SLC28A2: variants seen among roughly 807,000 people sequenced by gnomAD.
SLC28A2 encodes solute carrier family 28 member 2.
Under a neutral mutation model 72.9 loss-of-function variants are expected in SLC28A2, and 69 were observed. That is an observed-to-expected ratio of 0.95 (90% CI 0.78 to 1.16). The LOEUF is 1.16. Ranked by LOEUF, SLC28A2 falls within the 50% of genes most tolerant of loss-of-function variation. The probability of loss-of-function intolerance (pLI) is 0.00; values close to 1 mark genes in which losing one functional copy is unlikely to be tolerated. For missense variants in SLC28A2, 745 were observed against 791.1 expected (o/e 0.94, Z 0.70); for synonymous variants, 296 against 294.1 (o/e 1.01, Z -0.07).
At chr15:45,272,630 C>G in intron 16 of SLC28A2, 43 bp from the exon 17 acceptor site, 1 of 1,108,904 alleles carries the variant, frequency 9.0e-7, no homozygotes, top group Non-Finnish European at 1.4e-6. Flanking sequence ...TTGAGAAGCA[C>G]GTGTCAGATC....
At position 45,272,356 on chromosome 15, in the gene SLC28A2, A is replaced by G; in HGVS notation, c.1710A>G (p.Thr570=). 6.2e-7 allele frequency: 1 copy of G among 1,614,022 alleles called. No individual in the cohort carries two copies. The highest frequency in any genetic ancestry group is 1.3e-5 in the African/African-American group (1 of 75,024). Residue 570 remains threonine (T), a synonymous_variant, in exon 16 of 18, where the codon ACA becomes ACG. Coordinates refer to ENST00000347644, the MANE Select transcript of SLC28A2 (RefSeq NM_004212.4). ...LSKVVVRALF[T]GACVSLISAC... ...AGGTTGTGGTCAGGGCCCTCTTCAC[A>G]GGGGCCTGTGTATCCCTTATCAGTG...
chr15:45,276,279 A>C lies in SLC28A2; in HGVS notation c.*766A>C, dbSNP rs934870577. 6.6e-6 allele frequency: 1 copy of C among 152,094 alleles called. No homozygotes were observed. The highest frequency in any genetic ancestry group is 1.5e-5 in the Non-Finnish European group (1 of 68,042). The allele number at this position is 152,094 out of a possible 1,614,324, so 9.4% of individuals were successfully genotyped here. ...CTCACTCATAGATGGGAATTGAACA[A>C]TGAGAACACATGGACACAGGAAGGG... On this transcript the variant is annotated 3_prime_UTR_variant, in exon 18 of 18. Transcript: ENST00000347644.
At chr15:45,252,453 ATTTT>A in intron 1 of SLC28A2, among the ~76,000 whole-genome samples, 175 bp downstream of exon 1, 1 of 152,354 alleles carries the variant, frequency 6.6e-6, no homozygotes, top group Non-Finnish European at 1.5e-5. Flanking sequence ...AAGAGATCAC[ATTTT>A]CAAAAGCAAT....
At position 45,265,597 on chromosome 15, in the gene SLC28A2, C is replaced by G. The variant is rs777996700; in HGVS notation, c.795C>G (p.Ile265Met). The G allele has an allele frequency of 3.1e-6, 5 of 1,612,824 alleles. No individual in the cohort carries two copies. The highest frequency in any genetic ancestry group is 4.2e-6 in the Non-Finnish European group (5 of 1,178,972). The change falls in exon 9 of 18, where the codon ATC (isoleucine) becomes ATG (methionine). Residue 265 changes from isoleucine (I) to methionine (M), a missense_variant. Coordinates refer to ENST00000347644, the MANE Select transcript of SLC28A2 (RefSeq NM_004212.4). ...DVFAFQALPI[I>M]IFFGCVVSIL... ...TCTCATTACAGGCCTTACCAATCAT[C>G]ATTTTCTTTGGATGTGTGGTGTCCA...
intron 3 of SLC28A2, among the ~76,000 whole-genome samples, chr15:45,261,069 C>A (rs894231762): frequency 6.6e-6 from 1 of 152,172 alleles, no homozygotes; most frequent in Non-Finnish European, 1.5e-5. Flanking sequence ...CTGGTCCTAA[C>A]CCTGGCTAAG....
Position 45,270,178 on chromosome 15 carries a change from A to AT in SLC28A2, c.1567-12dup. 1 of 1,586,590 alleles carries AT rather than the reference A, an allele frequency of 6.3e-7. No homozygotes were observed. Among genetic ancestry groups the AT allele is most frequent in the Non-Finnish European group, 8.7e-7 (1 of 1,155,168 alleles). On this transcript the variant is annotated splice_polypyrimidine_tract_variant and intron_variant, in intron 14 of 17. Transcript: ENST00000347644. ...TGGGACTGAATTTATTTGCTTATTTATTTTTGTTTTCCCTAGGTGAGAGCT... is the reference window on the plus strand; with the variant it reads ...TGGGACTGAATTTATTTGCTTATTTATTTTTTGTTTTCCCTAGGTGAGAGCT...
chr15:45,270,822 G>A (rs900377687), intron 15 of SLC28A2, among the ~76,000 whole-genome samples: 2 of 151,920 alleles, frequency 1.3e-5, no homozygotes, highest in African/African-American at 4.8e-5. Context: ...ATTTTTAGAA[G>A]AGACGGGGTT....
intron 13 of SLC28A2, among the ~76,000 whole-genome samples, chr15:45,268,711 T>C (rs1479971622): frequency 1.3e-5 from 2 of 152,238 alleles, no homozygotes; most frequent in South Asian, 2.1e-4. Context: ...TAAAGACACA[T>C]GCACACGTAT....
In SLC28A2 at chr15:45,260,077, T is replaced by C. The variant is rs890811157; in HGVS notation, c.171-1938T>C. Among the ~76,000 whole-genome samples, 3 of 152,160 alleles carry C rather than the reference T, an allele frequency of 2.0e-5. 1 individual carries two copies. In the South Asian group the frequency reaches 6.2e-4, roughly 32 times the overall value. Reference sequence around the variant, plus strand: ...ACAAAGAGACCATTACAAAGATATGTATGAGGTATGGTGACACCATAAGAA... The same window carrying C: ...ACAAAGAGACCATTACAAAGATATGCATGAGGTATGGTGACACCATAAGAA... On this transcript the variant is annotated intron_variant, in intron 3 of 17. Transcript: ENST00000347644.
intron 3 of SLC28A2, 111 bp downstream of exon 3, chr15:45,253,631 A>G: frequency 3.2e-6 from 2 of 625,236 alleles, no homozygotes; most frequent in Non-Finnish European, 5.8e-6. Flanking sequence ...GTGTACATAT[A>G]TATATGTATC....
chr15:45,262,956 G>A (rs1249854293), intron 4 of SLC28A2, 105 bp from the exon 5 acceptor site: 7 of 933,580 alleles, frequency 7.5e-6, no homozygotes, highest in Non-Finnish European at 1.1e-5. Flanking sequence ...CAAGGTCTCT[G>A]GAGGGTTTTT....
In SLC28A2 at chr15:45,277,238, T is replaced by A. The variant is rs1304827013; in HGVS notation, c.*1725T>A. 2 of 149,688 alleles carry A rather than the reference T, an allele frequency of 1.3e-5. No homozygotes were observed. Among genetic ancestry groups the A allele is most frequent in the Non-Finnish European group, 3.0e-5 (2 of 67,564 alleles). The allele number at this position is 149,688 out of a possible 1,614,324, so 9.3% of individuals were successfully genotyped here. On this transcript the variant is annotated 3_prime_UTR_variant, in exon 18 of 18. Coordinates refer to ENST00000347644, the MANE Select transcript of SLC28A2 (RefSeq NM_004212.4). Reference sequence around the variant, plus strand: ...TTAATATTATTTATTATATTAATATTATAGCCTTAAGGAAGGGTTTCAAAA... The same window carrying A: ...TTAATATTATTTATTATATTAATATAATAGCCTTAAGGAAGGGTTTCAAAA...
At position 45,263,375 on chromosome 15, in the gene SLC28A2, TAAC is replaced by T. The variant is rs568948968; in HGVS notation, c.446+134_446+136del. The T allele has an allele frequency of 3.6e-4, 292 of 821,052 alleles. 3 individuals are homozygous for T. In the South Asian group the frequency reaches 5.2e-3, roughly 15 times the overall value. 50.9% of individuals were successfully genotyped at this position (821,052 alleles called of 1,614,324 possible). On this transcript the variant is annotated intron_variant, in intron 5 of 17. Transcript: ENST00000347644. ...TTCAGAACCAAAGCGCAGAGAAAAA[TAAC>T]AATAGGCCTCTGAGCACAGGACCTC...
intron 3 of SLC28A2, among the ~76,000 whole-genome samples, chr15:45,259,080 A>G (rs1900068175): frequency 6.6e-6 from 1 of 152,164 alleles, no homozygotes; most frequent in South Asian, 2.1e-4. Flanking sequence ...TTTTCTGGCC[A>G]CTGAATATTC....
At chr15:45,253,341 C>A (rs759480014) in intron 2 of SLC28A2, 45 bp downstream of exon 2, 6 of 1,548,738 alleles carry the variant, frequency 3.9e-6, no homozygotes, top group Non-Finnish European at 5.4e-6. Context: ...TGGGCTGCTG[C>A]ATGGGCTCCT....
rs777053455 is a variant in SLC28A2 at position 45,253,248 on chromosome 15, T to A, written c.33T>A (p.Ala11=). ...AAGCAAGTGGAAGACAGTCCATTGC[T>A]CTGTCCACAGTGGAGACTGGCACAG... MEKASGRQSI[A]LSTVETGTVN... The change falls in exon 2 of 18, where the codon GCT becomes GCA. Residue 11 remains alanine, a synonymous_variant. Coordinates refer to ENST00000347644, the MANE Select transcript of SLC28A2 (RefSeq NM_004212.4). 1.4e-5 allele frequency: 23 copies of A among 1,613,612 alleles called. No individual in the cohort carries two copies. The highest frequency in any genetic ancestry group is 1.2e-4 in the Admixed American group (7 of 59,992).
intron 3 of SLC28A2, among the ~76,000 whole-genome samples, chr15:45,261,401 G>A (rs1019847311): frequency 1.3e-5 from 2 of 152,172 alleles, no homozygotes; most frequent in Non-Finnish European, 2.9e-5. Context: ...ACAGCTCCAG[G>A]GGTCTTAAGA....
intron 15 of SLC28A2, among the ~76,000 whole-genome samples, chr15:45,271,151 T>C (rs922693493): frequency 1.3e-5 from 2 of 152,172 alleles, no homozygotes; most frequent in African/African-American, 4.8e-5. Context: ...ATTTAGACTG[T>C]TGGAGATACT....
rs1202045195 is a variant in SLC28A2, at chr15:45,276,311, C to G, written c.*798C>G. On this transcript the variant is annotated 3_prime_UTR_variant, in exon 18 of 18. Transcript: ENST00000347644. Reference sequence around the variant, plus strand: ...CACATGGACACAGGAAGGGGAACATCACACTCTGGGGACTGTTGTGGGGTG... The same window carrying G: ...CACATGGACACAGGAAGGGGAACATGACACTCTGGGGACTGTTGTGGGGTG... 2.6e-5 allele frequency: 4 copies of G among 151,926 alleles called. No homozygotes were observed. The highest frequency in any genetic ancestry group is 9.7e-5 in the African/African-American group (4 of 41,336). 9.4% of individuals were successfully genotyped at this position (151,926 alleles called of 1,614,324 possible). A position where few individuals can be genotyped will look rare whatever the true frequency, so the allele number is the denominator to read the frequency against.
Sources: allele counts gnomAD v4.1 joint callset (sites outside exome capture counted in the v4.1 genomes callset), GRCh38; gene constraint gnomAD v4.1.1; transcripts MANE v1.5; gene names NCBI Gene and HGNC (gene_info 2026-07-23, HGNC 2026-07-21).